The following SLC22A23 variants were observed in gnomAD, a reference collection of about 807,000 sequenced individuals.
SLC22A23 encodes the protein ion transporter protein.
SLC22A23 carries 26 observed loss-of-function variants against 61.0 expected under a neutral mutation model. That is an observed-to-expected ratio of 0.43 (90% CI 0.31 to 0.59). SLC22A23 has a LOEUF of 0.59. Among genes scored for constraint, SLC22A23 ranks in the 20% least tolerant of loss-of-function variants. The pLI is 0.11. For synonymous variants in SLC22A23, 430 were observed against 413.9 expected, an observed-to-expected ratio of 1.04 and a Z score of -0.47; for missense variants, 796 against 934.7, an observed-to-expected ratio of 0.85 and a Z score of 1.94.
chr6:3,372,801 G>A lies in SLC22A23; in HGVS notation c.913+37387C>T, dbSNP rs1046230567. The stretch of plus-strand genomic sequence containing the variant: ...TGACTTGTTTTTATTTCACAATGTC[G>A]ATCTCAAATCTCTTTCTCTTCATTA... On this transcript the variant is annotated intron_variant, in intron 3 of 9. Transcript: ENST00000406686. The surrounding 1 kb of genome is among the most constrained non-coding windows in gnomAD (Gnocchi z 4.7). Among the ~76,000 whole-genome samples the A allele has an allele frequency of 2.0e-5, 3 of 152,146 alleles. No individual in the cohort carries two copies. Among genetic ancestry groups the A allele is most frequent in the African/African-American group, 4.8e-5 (2 of 41,440 alleles).
At chr6:3,425,263 T>G (rs1300828257) in intron 1 of SLC22A23, among the ~76,000 whole-genome samples, 4 of 151,484 alleles carry the variant, frequency 2.6e-5, no homozygotes, top group East Asian at 1.9e-4. Flanking sequence ...TATGAAAAAT[T>G]TATTTAAAAC....
rs1763127279 is a variant in SLC22A23 at position 3,324,020 on chromosome 6, T to C, written c.914-18A>G. 6.2e-7 allele frequency: 1 copy of C among 1,611,432 alleles called. No homozygotes were observed. The highest frequency in any genetic ancestry group is 8.5e-7 in the Non-Finnish European group (1 of 1,177,884). On this transcript the variant is annotated intron_variant, in intron 3 of 9. Coordinates refer to ENST00000406686, the MANE Select transcript of SLC22A23 (RefSeq NM_015482.2). The surrounding 1 kb of genome is among the most constrained non-coding windows in gnomAD (Gnocchi z 4.3). ...CTCTATTCCTAGAACACAGAACCAA[T>C]GAGAGAGAGATGAGTGCCCTGCTCG...
At chr6:3,428,274 C>A (rs1271405320) in intron 1 of SLC22A23, among the ~76,000 whole-genome samples, 1 of 152,238 alleles carries the variant, frequency 6.6e-6, no homozygotes, top group African/African-American at 2.4e-5. Flanking sequence ...CCTCCTCACC[C>A]TCCAGGCTGC....
At chr6:3,335,135 G>A (rs1763779301) in intron 3 of SLC22A23, among the ~76,000 whole-genome samples, 1 of 152,176 alleles carries the variant, frequency 6.6e-6, no homozygotes, top group South Asian at 2.1e-4. Flanking sequence ...ACCAGCTAAT[G>A]AAACAAAGGG....
intron 3 of SLC22A23, among the ~76,000 whole-genome samples, chr6:3,357,902 A>G (rs149142743): frequency 6.6e-6 from 1 of 152,294 alleles, no homozygotes; most frequent in African/African-American, 2.4e-5. Flanking sequence ...GGAAGACTTC[A>G]CCAAAGAAGC....
rs146279052 is a variant in SLC22A23, at chr6:3,359,909, A to G, written c.914-35907T>C. On this transcript the variant is annotated intron_variant, in intron 3 of 9. Transcript: ENST00000406686. Reference sequence around the variant, plus strand: ...TCCAACATATGCTATAGTATAAAGGAAGCATTTTTTCTTTTTTTCTTATTT... The same window carrying G: ...TCCAACATATGCTATAGTATAAAGGGAGCATTTTTTCTTTTTTTCTTATTT... 2.7e-3 allele frequency among the ~76,000 whole-genome samples: 416 copies of G among 152,300 alleles called. 2 individuals carry two copies. Among genetic ancestry groups the G allele is most frequent in the African/African-American group, 9.2e-3 (384 of 41,560 alleles).
intron 3 of SLC22A23, among the ~76,000 whole-genome samples, chr6:3,394,907 C>T (rs1372798426): frequency 6.6e-6 from 1 of 152,216 alleles, no homozygotes; most frequent in Non-Finnish European, 1.5e-5. Flanking sequence ...CAGAGAGTCA[C>T]AGAGGCAGCC....
intron 1 of SLC22A23, among the ~76,000 whole-genome samples, chr6:3,449,848 C>T (rs556739286): frequency 3.0e-4 from 46 of 152,284 alleles, no homozygotes; most frequent in African/African-American, 1.1e-3. Flanking sequence ...GCCAAGATTT[C>T]GTGATATATT....
At chr6:3,431,408 G>T (rs1770854033) in intron 1 of SLC22A23, among the ~76,000 whole-genome samples, 1 of 152,226 alleles carries the variant, frequency 6.6e-6, no homozygotes, top group African/African-American at 2.4e-5. Flanking sequence ...GCAGGGGACA[G>T]GGAAGGGAGA....
intron 4 of SLC22A23, among the ~76,000 whole-genome samples, chr6:3,319,068 G>A (rs528245272): frequency 2.0e-5 from 3 of 152,274 alleles, no homozygotes; most frequent in South Asian, 2.1e-4. Flanking sequence ...CCTTCTCCAC[G>A]AAGCAGACAG....
Position 3,318,182 on chromosome 6 carries a change from C to A in SLC22A23, c.1082+5652G>T, listed in dbSNP as rs548294589. On this transcript the variant is annotated intron_variant, in intron 4 of 9. Coordinates refer to ENST00000406686, the MANE Select transcript of SLC22A23 (RefSeq NM_015482.2). This position sits in a 1 kb window ranked among gnomAD's most constrained non-coding sequence, Gnocchi z 4.3. ...CTGCGGCTGCTGCCTATTAACCAAG[C>A]CTTTGTATTTTCTGTATTTCCTAAT... Among the ~76,000 whole-genome samples the A allele has an allele frequency of 2.6e-5, 4 of 152,282 alleles. No individual in the cohort carries two copies. Among genetic ancestry groups the A allele is most frequent in the African/African-American group, 4.8e-5 (2 of 41,538 alleles).
rs1490390355 is a variant in SLC22A23 at position 3,330,762 on chromosome 6, T to C, written c.914-6760A>G. Among the ~76,000 whole-genome samples, 1 of 152,164 alleles carries C rather than the reference T, an allele frequency of 6.6e-6. No individual in the cohort carries two copies. Among genetic ancestry groups the C allele is most frequent in the Non-Finnish European group, 1.5e-5 (1 of 68,032 alleles). ...GGAAGGCGTCCTCTTTCCTCTTAAC[T>C]TAGGATCTGCCAACCCAAAGTAATG... On this transcript the variant is annotated intron_variant, in intron 3 of 9. Coordinates refer to ENST00000406686, the MANE Select transcript of SLC22A23 (RefSeq NM_015482.2). The surrounding 1 kb of genome is among the most constrained non-coding windows in gnomAD (Gnocchi z 4.7).
chr6:3,389,720 G>A (rs1767544098), intron 3 of SLC22A23, among the ~76,000 whole-genome samples: 1 of 152,254 alleles, frequency 6.6e-6, no homozygotes. Context: ...CTGTGCAGGA[G>A]AAAGTACAGG....
rs1760383224 is a variant in SLC22A23 at position 3,289,628 on chromosome 6, C to T, written c.1313+136G>A. ...GCGGGGGAGGTCAATATCTTCTAGC[C>T]CGTGTCACTCTTCACACACACACCC... On this transcript the variant is annotated intron_variant, in intron 6 of 9. Coordinates refer to ENST00000406686, the MANE Select transcript of SLC22A23 (RefSeq NM_015482.2). 3.1e-5 allele frequency: 22 copies of T among 701,010 alleles called. No individual in the cohort carries two copies. The South Asian group carries it at 4.1e-4, about 13-fold the overall frequency. The allele number at this position is 701,010 out of a possible 1,614,324, so 43.4% of individuals were successfully genotyped here.
chr6:3,354,254 A>G (rs1264649172), intron 3 of SLC22A23, among the ~76,000 whole-genome samples: 1 of 152,232 alleles, frequency 6.6e-6, no homozygotes, highest in East Asian at 1.9e-4. Context: ...GGGCAAAGAC[A>G]CTCCTTTCAG....
In SLC22A23 at chr6:3,323,825, T is replaced by C. The variant is rs1763111844; in HGVS notation, c.1082+9A>G. On this transcript the variant is annotated intron_variant, in intron 4 of 9. Coordinates refer to ENST00000406686, the MANE Select transcript of SLC22A23 (RefSeq NM_015482.2). ...CACCAGCCCAGGGCGCTGTGCAGAG[T>C]GTACTCACGACCAGTAGAGCAGCAT... 6.2e-7 allele frequency: 1 copy of C among 1,611,706 alleles called. No homozygotes were observed. The highest frequency in any genetic ancestry group is 1.3e-5 in the African/African-American group (1 of 74,822).
chr6:3,369,562 G>A (rs1314272002), intron 3 of SLC22A23, among the ~76,000 whole-genome samples: 1 of 151,986 alleles, frequency 6.6e-6, no homozygotes, highest in Non-Finnish European at 1.5e-5. Flanking sequence ...GTGGTGGCGT[G>A]CACCTGTAAT....
chr6:3,357,140 T>A (rs1272861986), intron 3 of SLC22A23, among the ~76,000 whole-genome samples: 1 of 145,090 alleles, frequency 6.9e-6, no homozygotes, highest in Non-Finnish European at 1.5e-5. Context: ...AGTGCCCACA[T>A]CTGCATTCCC....
intron 1 of SLC22A23, among the ~76,000 whole-genome samples, chr6:3,450,604 C>T (rs1468355216): frequency 1.3e-5 from 2 of 152,154 alleles, no homozygotes; most frequent in African/African-American, 2.4e-5. Context: ...TGTGCCCGGC[C>T]GTCAGTTCGG....
Sources: gnomAD v4.1 joint callset for allele counts (sites outside exome capture counted in the v4.1 genomes callset) on GRCh38, gnomAD v4.1.1 for gene constraint, Gnocchi (gnomAD v3.1) non-coding constraint, MANE v1.5 for transcripts, NCBI Gene and HGNC (gene_info 2026-07-23, HGNC 2026-07-21) for gene names.